WDFY4: variants seen among roughly 807,000 people sequenced by gnomAD.
WDFY4 encodes WD repeat- and FYVE domain-containing protein 4.
WDFY4 carries 169 observed loss-of-function variants against 351.9 expected under a neutral mutation model. The ratio of observed to expected loss-of-function variants is 0.48; its 90% CI spans 0.42 to 0.55. The LOEUF is 0.55. Among genes scored for constraint, WDFY4 ranks in the 20% least tolerant of loss-of-function variants. The probability of loss-of-function intolerance (pLI) is 0.00; values close to 1 mark genes in which losing one functional copy is unlikely to be tolerated. For missense variants in WDFY4, 3,803 were observed against 3,935.6 expected (o/e 0.97, Z 0.90); for synonymous variants, 1,622 against 1,574.6 (o/e 1.03, Z -0.71).
chr10:48,918,638 C>T (rs988154090), intron 47 of WDFY4, among the ~76,000 whole-genome samples: 2 of 152,198 alleles, frequency 1.3e-5, no homozygotes, highest in Non-Finnish European at 2.9e-5. Context: ...GACATCAATA[C>T]TTGTCTCTCA....
At chr10:48,867,830 G>A (rs968760593) in intron 40 of WDFY4, among the ~76,000 whole-genome samples, 1 of 152,148 alleles carries the variant, frequency 6.6e-6, no homozygotes, top group African/African-American at 2.4e-5. Context: ...GCTAAAAATA[G>A]AACACAACAT....
chr10:48,926,552 G>T (rs1335674438), intron 47 of WDFY4, among the ~76,000 whole-genome samples: 2 of 152,170 alleles, frequency 1.3e-5, no homozygotes, highest in African/African-American at 4.8e-5. Flanking sequence ...ACCTTTTGGA[G>T]GAACTGACCA....
At chr10:48,810,839 G>A in intron 29 of WDFY4, 104 bp downstream of exon 29, 1 of 1,230,506 alleles carries the variant, frequency 8.1e-7, no homozygotes, top group Non-Finnish European at 1.1e-6. Flanking sequence ...ACAGCTCTGT[G>A]CAGCAGGATC....
chr10:48,832,722 C>T lies in WDFY4; in HGVS notation c.6663+13C>T. 1 of 1,510,038 alleles carries T rather than the reference C, an allele frequency of 6.6e-7. No individual in the cohort carries two copies. The highest frequency in any genetic ancestry group is 8.9e-7 in the Non-Finnish European group (1 of 1,123,712). 93.5% of individuals were successfully genotyped at this position (1,510,038 alleles called of 1,614,324 possible). A position where few individuals can be genotyped will look rare whatever the true frequency, so the allele number is the denominator to read the frequency against. ...GTGCAAGACAGAGGTGAGCCCAGAC[C>T]CCTTTTCCTCAGAAAAGTATCAGGC... is the stretch of plus-strand genomic sequence containing the variant. On this transcript the variant is annotated intron_variant, in intron 39 of 61. Coordinates refer to ENST00000325239, the MANE Select transcript of WDFY4 (RefSeq NM_001394531.1).
At chr10:48,875,879 A>G (rs1248520237) in intron 42 of WDFY4, among the ~76,000 whole-genome samples, 1 of 152,144 alleles carries the variant, frequency 6.6e-6, no homozygotes, top group Non-Finnish European at 1.5e-5. Context: ...AGAGGATAGG[A>G]TGATATTGTG....
chr10:48,911,015 T>A, intron 47 of WDFY4: 1 of 500,518 alleles, frequency 2.0e-6, no homozygotes, highest in Non-Finnish European at 2.6e-6. Flanking sequence ...AGTCATCATG[T>A]AGCTATCCGG....
intron 43 of WDFY4, among the ~76,000 whole-genome samples, chr10:48,883,287 G>T (rs959975186): frequency 6.6e-6 from 1 of 152,186 alleles, no homozygotes; most frequent in African/African-American, 2.4e-5. Context: ...GACCACTATG[G>T]TTTTGTGTCA....
chr10:48,947,987 A>T (rs57406661), intron 51 of WDFY4, among the ~76,000 whole-genome samples: 7,273 of 152,158 alleles, frequency 0.048, 563 homozygotes, highest in African/African-American at 0.16. Context: ...TGAGTTTGGG[A>T]CTGACCTCAC....
At chr10:48,870,357 G>C (rs149372440) in intron 40 of WDFY4, among the ~76,000 whole-genome samples, 2 of 152,068 alleles carry the variant, frequency 1.3e-5, no homozygotes, top group African/African-American at 4.8e-5. Context: ...GCATCATTGC[G>C]AGACCCCAAC....
intron 1 of WDFY4, among the ~76,000 whole-genome samples, chr10:48,686,522 C>T (rs2063055440): frequency 6.6e-6 from 1 of 152,056 alleles, no homozygotes; most frequent in African/African-American, 2.4e-5. Flanking sequence ...TTATTGTTCC[C>T]TTGCTTCTTT....
chr10:48,789,737 C>T (rs976434792), intron 21 of WDFY4, 137 bp from the exon 22 acceptor site: 2 of 738,816 alleles, frequency 2.7e-6, no homozygotes, highest in East Asian at 5.5e-5. Context: ...GGTTCAATTG[C>T]TATTCATTCC....
intron 51 of WDFY4, among the ~76,000 whole-genome samples, chr10:48,953,750 T>C (rs940552745): frequency 1.3e-5 from 2 of 152,246 alleles, no homozygotes; most frequent in African/African-American, 4.8e-5. Flanking sequence ...TTCTAGCATA[T>C]ATTATAGAAA....
chr10:48,790,597 T>A, intron 22 of WDFY4, 130 bp from the exon 23 acceptor site: 1 of 1,022,784 alleles, frequency 9.8e-7, no homozygotes, highest in Non-Finnish European at 1.4e-6. Context: ...CTGTCCCAGG[T>A]GCACAGGTCC....
chr10:48,981,585 T>G (rs533764463), intron 61 of WDFY4, 107 bp downstream of exon 61: 1 of 1,005,522 alleles, frequency 9.9e-7, no homozygotes, highest in South Asian at 1.5e-5. Context: ...GGAGGCCACT[T>G]CACTCCAGGA....
At chr10:48,783,816 T>C (rs2066305658) in intron 19 of WDFY4, among the ~76,000 whole-genome samples, 2 of 152,220 alleles carry the variant, frequency 1.3e-5, no homozygotes, top group African/African-American at 2.4e-5. Context: ...TACTGAATAC[T>C]GTAGGCAACT....
chr10:48,705,409 C>T (rs1171624458), intron 1 of WDFY4, among the ~76,000 whole-genome samples: 2 of 152,176 alleles, frequency 1.3e-5, no homozygotes, highest in African/African-American at 2.4e-5. Context: ...CCACAGTGAC[C>T]CTAAGCCCCG....
chr10:48,849,139 C>A (rs555355545), intron 39 of WDFY4, among the ~76,000 whole-genome samples: 226 of 152,252 alleles, frequency 1.5e-3, no homozygotes, highest in Non-Finnish European at 2.4e-3. Flanking sequence ...GCAGCATGAC[C>A]ATTGCTTTCC....
chr10:48,744,278 C>A (rs2064943933), intron 12 of WDFY4, among the ~76,000 whole-genome samples: 1 of 152,206 alleles, frequency 6.6e-6, no homozygotes, highest in Non-Finnish European at 1.5e-5. Context: ...CCCATTAATA[C>A]TGCAGTAAGT....
chr10:48,941,355 A>G (rs1840750423), intron 47 of WDFY4, among the ~76,000 whole-genome samples: 1 of 152,366 alleles, frequency 6.6e-6, no homozygotes, highest in East Asian at 1.9e-4. Flanking sequence ...ATACACTGGA[A>G]ACTGGTGACT....
Sources: gnomAD v4.1 joint callset for allele counts (sites outside exome capture counted in the v4.1 genomes callset) on GRCh38, gnomAD v4.1.1 for gene constraint, MANE v1.5 for transcripts, NCBI Gene and HGNC (gene_info 2026-07-23, HGNC 2026-07-21) for gene names.